MYO16: variants seen among roughly 807,000 people sequenced by gnomAD.
The protein encoded by MYO16 is myosin XVI.
Under a neutral mutation model 205.3 loss-of-function variants are expected in MYO16, and 94 were observed. The observed-to-expected ratio is 0.46, with a 90% CI of 0.39 to 0.54. MYO16 has a LOEUF of 0.54. MYO16 is among the 20% of genes least tolerant of loss of function. The pLI is 0.00. For synonymous variants in MYO16, 988 were observed against 954.0 expected, an observed-to-expected ratio of 1.04 and a Z score of -0.66; for missense variants, 2,315 against 2,387.5, an observed-to-expected ratio of 0.97 and a Z score of 0.63.
intron 12 of MYO16, among the ~76,000 whole-genome samples, chr13:108,868,612 C>T (rs972518863): frequency 4.0e-5 from 6 of 151,464 alleles, no homozygotes; most frequent in Non-Finnish European, 7.4e-5. Flanking sequence ...AACCTGAAAC[C>T]GTACTGTTTA....
intron 27 of MYO16, among the ~76,000 whole-genome samples, chr13:109,100,083 A>G (rs914261127): frequency 1.3e-5 from 2 of 152,048 alleles, no homozygotes; most frequent in Non-Finnish European, 2.9e-5. Context: ...CTCCATTGCA[A>G]CCTTGCCTGT....
At chr13:108,709,471 G>A (rs1380141487) in intron 2 of MYO16, among the ~76,000 whole-genome samples, 2 of 79,368 alleles carry the variant, frequency 2.5e-5, no homozygotes, top group East Asian at 3.5e-4. Flanking sequence ...AGGGAACCAC[G>A]TAATGTAACA....
intron 2 of MYO16, among the ~76,000 whole-genome samples, chr13:108,710,260 A>T (rs567631033): frequency 2.4e-4 from 37 of 152,178 alleles, no homozygotes; most frequent in Admixed American, 4.6e-4. Context: ...AATGCAGTAG[A>T]TTGTATTTAA....
chr13:108,537,281 T>A, the MYO16 span, among the ~76,000 whole-genome samples: 1 of 152,120 alleles, frequency 6.6e-6, no homozygotes, highest in Non-Finnish European at 1.5e-5. Flanking sequence ...TTATTTCACT[T>A]ACGATAATGG....
chr13:109,100,635 A>G (rs1888931639), intron 27 of MYO16, 150 bp from the exon 28 acceptor site: 1 of 554,052 alleles, frequency 1.8e-6, no homozygotes, highest in South Asian at 2.6e-5. Flanking sequence ...TTCCCTAGTA[A>G]ATGCACAATG....
chr13:108,631,797 G>T (rs1423395483), intron 1 of MYO16, among the ~76,000 whole-genome samples: 1 of 152,176 alleles, frequency 6.6e-6, no homozygotes, highest in Non-Finnish European at 1.5e-5. Context: ...ATAGAAGAAG[G>T]CCGGGCGTGA....
the MYO16 span, among the ~76,000 whole-genome samples, chr13:108,530,444 T>C: frequency 6.6e-6 from 1 of 152,188 alleles, no homozygotes; most frequent in Non-Finnish European, 1.5e-5. Context: ...TCAGAGAAGA[T>C]AGATTTGAAT....
At chr13:108,768,063 C>T (rs1041893044) in intron 4 of MYO16, among the ~76,000 whole-genome samples, 3 of 152,160 alleles carry the variant, frequency 2.0e-5, no homozygotes, top group Non-Finnish European at 2.9e-5. Flanking sequence ...TGATCTGCTC[C>T]GATTGCAGAA....
At chr13:108,663,284 C>T (rs1386429822) in intron 1 of MYO16, among the ~76,000 whole-genome samples, 1 of 151,454 alleles carries the variant, frequency 6.6e-6, no homozygotes, top group Non-Finnish European at 1.5e-5. Context: ...TCCCCTGAAT[C>T]CCTGTGTTAT....
chr13:108,555,826 CAT>C, the MYO16 span, among the ~76,000 whole-genome samples: 2 of 152,146 alleles, frequency 1.3e-5, no homozygotes, highest in Non-Finnish European at 2.9e-5. Context: ...TTTGATTCCA[CAT>C]ATAAGTGAGA....
At chr13:108,824,082 C>T in intron 9 of MYO16, among the ~76,000 whole-genome samples, 1 of 151,976 alleles carries the variant, frequency 6.6e-6, no homozygotes, top group East Asian at 1.9e-4. Context: ...GAATAAATAA[C>T]ATTGCATGTA....
chr13:108,925,191 C>T (rs1422715942), intron 16 of MYO16, among the ~76,000 whole-genome samples: 1 of 152,150 alleles, frequency 6.6e-6, no homozygotes, highest in East Asian at 1.9e-4. Flanking sequence ...CCCGGCATCT[C>T]TCTGTGGGCA....
At chr13:109,114,335 C>T (rs1442344895) in intron 28 of MYO16, among the ~76,000 whole-genome samples, 1 of 152,114 alleles carries the variant, frequency 6.6e-6, no homozygotes, top group Non-Finnish European at 1.5e-5. Context: ...AGATCCCAAG[C>T]GATTAATATG....
At chr13:108,816,556 C>G (rs192799999) in intron 7 of MYO16, among the ~76,000 whole-genome samples, 23 of 152,296 alleles carry the variant, frequency 1.5e-4, no homozygotes, top group South Asian at 2.1e-4. Context: ...CAAGGTCACA[C>G]GATCCATAAG....
chr13:108,552,207 A>G, the MYO16 span, among the ~76,000 whole-genome samples: 2 of 152,150 alleles, frequency 1.3e-5, no homozygotes, highest in African/African-American at 2.4e-5. Flanking sequence ...AGCCTCCTGG[A>G]CAGCCATGGT....
At chr13:108,885,198 C>T (rs998690445) in intron 13 of MYO16, among the ~76,000 whole-genome samples, 4 of 152,222 alleles carry the variant, frequency 2.6e-5, no homozygotes, top group African/African-American at 9.6e-5. Flanking sequence ...CAGCTCACCG[C>T]TACCTCTGCC....
chr13:109,021,243 A>G lies in MYO16; in HGVS notation c.2796+1332A>G, dbSNP rs1014709340. 2.0e-5 allele frequency among the ~76,000 whole-genome samples: 3 copies of G among 152,150 alleles called. 1 individual carries two copies. Among genetic ancestry groups the G allele is most frequent in the Admixed American group, 2.0e-4 (3 of 15,266 alleles). On this transcript the variant is annotated intron_variant, in intron 23 of 34. Coordinates refer to ENST00000457511, the MANE Select transcript of MYO16 (RefSeq NM_001198950.3). ...ACTCTAAATTGAACTTTCAGGAATG[A>G]CATTAAAAGCACACCACAGAAAAGA...
intron 23 of MYO16, chr13:109,028,509 C>G: frequency 5.4e-6 from 1 of 186,708 alleles, no homozygotes; most frequent in Non-Finnish European, 1.1e-5. Flanking sequence ...ATACTTTAAT[C>G]AGGCATACAG....
chr13:109,023,668 CAAATATATGT>C (rs1886221112), intron 23 of MYO16, among the ~76,000 whole-genome samples: 1 of 57,730 alleles, frequency 1.7e-5, no homozygotes, highest in African/African-American at 5.8e-5. Context: ...TGTATATATG[CAAATATATGT>C]ATATATACAT....
Sources: gnomAD v4.1 joint callset for allele counts (sites outside exome capture counted in the v4.1 genomes callset) on GRCh38, gnomAD v4.1.1 for gene constraint, MANE v1.5 for transcripts, NCBI Gene and HGNC (gene_info 2026-07-23, HGNC 2026-07-21) for gene names.